PDZRN4: variants seen among roughly 807,000 people sequenced by gnomAD.
PDZRN4 encodes the protein PDZ domain containing ring finger 4, also known as PDZ domain-containing RING finger protein 4.
In PDZRN4, 70 loss-of-function variants were observed where a neutral mutation model predicts 99.0. The observed-to-expected ratio is 0.71, with a 90% CI of 0.58 to 0.86. The LOEUF (loss-of-function observed/expected upper bound fraction) is 0.86, where lower values mean the gene tolerates loss of function less well. Among genes scored for constraint, PDZRN4 ranks in the 40% least tolerant of loss-of-function variants. The pLI is 0.00. For synonymous variants in PDZRN4, 551 were observed against 501.6 expected, an observed-to-expected ratio of 1.10 and a Z score of -1.32; for missense variants, 1,474 against 1,331.2, an observed-to-expected ratio of 1.11 and a Z score of -1.67.
At chr12:41,398,436 GA>G (rs1382138608) in intron 3 of PDZRN4, among the ~76,000 whole-genome samples, 1 of 151,928 alleles carries the variant, frequency 6.6e-6, no homozygotes, top group Non-Finnish European at 1.5e-5. Context: ...AAAGTGAAGG[GA>G]AAGAAGTAGG....
At chr12:41,550,300 CATTTGTATTG>C (rs1248869905) in intron 5 of PDZRN4, among the ~76,000 whole-genome samples, 2 of 152,118 alleles carry the variant, frequency 1.3e-5, no homozygotes, top group Non-Finnish European at 2.9e-5. Context: ...TACAGCTCCT[CATTTGTATTG>C]ATTTAAAGGT....
At chr12:41,384,129 C>T (rs1952147909) in intron 3 of PDZRN4, among the ~76,000 whole-genome samples, 1 of 151,420 alleles carries the variant, frequency 6.6e-6, no homozygotes, top group South Asian at 2.1e-4. Context: ...CTAAGCTTTT[C>T]TGACTTTTTT....
intron 3 of PDZRN4, among the ~76,000 whole-genome samples, chr12:41,425,413 T>C (rs1350430): frequency 0.49 from 73,341 of 151,060 alleles, 18,086 homozygotes; most frequent in African/African-American, 0.59. Flanking sequence ...TTCAAATATA[T>C]TGGCCTAGGA....
chr12:41,411,495 C>T (rs1225452442), intron 3 of PDZRN4: 1 of 152,180 alleles, frequency 6.6e-6, no homozygotes, highest in African/African-American at 2.4e-5. Flanking sequence ...TGACTTCTCT[C>T]ACCAGCTGAA....
chr12:41,411,060 TATA>T (rs1450554648), intron 3 of PDZRN4, among the ~76,000 whole-genome samples: 51 of 124,902 alleles, frequency 4.1e-4, no homozygotes, highest in South Asian at 3.0e-3. Flanking sequence ...TATATATATA[TATA>T]TATATTTTTT....
intron 3 of PDZRN4, among the ~76,000 whole-genome samples, chr12:41,427,242 C>T (rs1952544740): frequency 6.6e-6 from 1 of 152,074 alleles, no homozygotes; most frequent in Non-Finnish European, 1.5e-5. Flanking sequence ...AAAATATAGA[C>T]AAAGGAATAA....
At chr12:41,344,824 T>C (rs1046391268) in intron 3 of PDZRN4, among the ~76,000 whole-genome samples, 5 of 149,714 alleles carry the variant, frequency 3.3e-5, no homozygotes, top group African/African-American at 1.2e-4. Context: ...ATAATTTTGA[T>C]TTAAAATAAA....
chr12:41,315,948 A>G (rs941445112), intron 3 of PDZRN4, among the ~76,000 whole-genome samples: 6 of 152,192 alleles, frequency 3.9e-5, no homozygotes, highest in Admixed American at 2.6e-4. Context: ...TGTGAATGTA[A>G]TCTTTTTAGA....
intron 3 of PDZRN4, among the ~76,000 whole-genome samples, chr12:41,229,456 T>C (rs777396374): frequency 1.3e-5 from 2 of 152,084 alleles, no homozygotes; most frequent in Non-Finnish European, 2.9e-5. Flanking sequence ...ATTCTCTGCA[T>C]TTCAAGTAAG....
At chr12:41,212,300 C>T (rs1003973384) in intron 3 of PDZRN4, among the ~76,000 whole-genome samples, 3 of 151,882 alleles carry the variant, frequency 2.0e-5, no homozygotes, top group African/African-American at 4.8e-5. Context: ...AGTGTTTCTG[C>T]CTGTTCTGTT....
chr12:41,459,686 A>G (rs1315173463), intron 3 of PDZRN4, among the ~76,000 whole-genome samples: 1 of 152,232 alleles, frequency 6.6e-6, no homozygotes, highest in East Asian at 1.9e-4. Context: ...AGCTGTTATG[A>G]ACAACAGGCT....
chr12:41,465,242 A>G (rs1952913448), intron 3 of PDZRN4, among the ~76,000 whole-genome samples: 1 of 152,162 alleles, frequency 6.6e-6, no homozygotes, highest in Non-Finnish European at 1.5e-5. Context: ...TTCTACTTAC[A>G]TGGTTTGCCC....
chr12:41,561,515 G>A (rs1939269280), intron 7 of PDZRN4, among the ~76,000 whole-genome samples: 1 of 150,168 alleles, frequency 6.7e-6, no homozygotes, highest in Non-Finnish European at 1.5e-5. Context: ...ACATGAATAA[G>A]TATTTAGATT....
At chr12:41,495,822 C>T (rs919075557) in intron 3 of PDZRN4, among the ~76,000 whole-genome samples, 4 of 152,072 alleles carry the variant, frequency 2.6e-5, no homozygotes, top group Non-Finnish European at 4.4e-5. Context: ...CTCTTTCATG[C>T]CTCAACCCTG....
intron 3 of PDZRN4, among the ~76,000 whole-genome samples, chr12:41,448,732 G>A (rs1952750270): frequency 6.6e-6 from 1 of 152,118 alleles, no homozygotes; most frequent in East Asian, 1.9e-4. Flanking sequence ...TTTCGAAAAT[G>A]CCACCTATTT....
At chr12:41,263,239 G>A (rs960776507) in intron 3 of PDZRN4, among the ~76,000 whole-genome samples, 1 of 152,086 alleles carries the variant, frequency 6.6e-6, no homozygotes, top group Non-Finnish European at 1.5e-5. Flanking sequence ...TTATCAAAAT[G>A]TATCTTGTAT....
At chr12:41,276,408 G>A (rs1472388875) in intron 3 of PDZRN4, among the ~76,000 whole-genome samples, 1 of 151,912 alleles carries the variant, frequency 6.6e-6, no homozygotes, top group African/African-American at 2.4e-5. Flanking sequence ...GTAGACCCTG[G>A]CCTCAGATAG....
chr12:41,217,348 C>T (rs1483409980), intron 3 of PDZRN4, among the ~76,000 whole-genome samples: 1 of 152,042 alleles, frequency 6.6e-6, no homozygotes, highest in African/African-American at 2.4e-5. Flanking sequence ...GCTCTGCTGT[C>T]ACCATCTTGA....
chr12:41,470,491 CCT>C (rs1361742380), intron 3 of PDZRN4, among the ~76,000 whole-genome samples: 6 of 47,570 alleles, frequency 1.3e-4, no homozygotes, highest in South Asian at 7.3e-4. Flanking sequence ...GGCTTCACTT[CCT>C]TTTTTTTTAA....
Sources: allele counts gnomAD v4.1 joint callset (sites outside exome capture counted in the v4.1 genomes callset), GRCh38; gene constraint gnomAD v4.1.1; transcripts MANE v1.5; gene names NCBI Gene and HGNC (gene_info 2026-07-23, HGNC 2026-07-21).